SLC17A5: variants seen among roughly 807,000 people sequenced by gnomAD.
The protein encoded by SLC17A5 is solute carrier family 17 member 5.
A neutral mutation model predicts 59.4 loss-of-function variants in SLC17A5; 47 were observed. The observed-to-expected ratio is 0.79, with a 90% CI of 0.63 to 1.01. The LOEUF is 1.01. SLC17A5 is among the 50% of genes least tolerant of loss of function. The probability of loss-of-function intolerance (pLI) is 0.00; values close to 1 mark genes in which losing one functional copy is unlikely to be tolerated. For synonymous variants in SLC17A5, 202 were observed against 210.7 expected, an observed-to-expected ratio of 0.96 and a Z score of 0.36; for missense variants, 522 against 595.5, an observed-to-expected ratio of 0.88 and a Z score of 1.28.
intron 1 of SLC17A5, among the ~76,000 whole-genome samples, chr6:73,645,076 T>C (rs1057039420): frequency 6.6e-6 from 1 of 152,182 alleles, no homozygotes; most frequent in African/African-American, 2.4e-5. Context: ...CTGGCAAAGA[T>C]ATACGGCATG....
intron 10 of SLC17A5, among the ~76,000 whole-genome samples, chr6:73,599,442 A>C (rs1177549335): frequency 1.3e-5 from 2 of 152,174 alleles, no homozygotes; most frequent in African/African-American, 4.8e-5. Flanking sequence ...CGCAGTTCCC[A>C]CTTGTAAACA....
intron 6 of SLC17A5, among the ~76,000 whole-genome samples, chr6:73,629,607 C>G (rs1444523374): frequency 6.6e-6 from 1 of 151,686 alleles, no homozygotes; most frequent in Non-Finnish European, 1.5e-5. Flanking sequence ...ACCCTGTCTC[C>G]ACTAAAAATA....
In SLC17A5 at chr6:73,624,573, ATAACT is replaced by A. The variant is rs369279885; in HGVS notation, c.820-2616_820-2612del. 7.8e-3 allele frequency among the ~76,000 whole-genome samples: 1,189 copies of A among 152,160 alleles called. 19 individuals carry two copies. Among genetic ancestry groups the A allele is most frequent in the African/African-American group, 0.027 (1,130 of 41,516 alleles). The stretch of plus-strand genomic sequence containing the variant: ...TACATAAGTATCATAGTACATATAG[ATAACT>A]TAAGAATAAATATACGGCCAGGCGT... On this transcript the variant is annotated intron_variant, in intron 6 of 10. Coordinates refer to ENST00000355773, the MANE Select transcript of SLC17A5 (RefSeq NM_012434.5).
intron 4 of SLC17A5, among the ~76,000 whole-genome samples, chr6:73,638,090 C>T (rs1225113799): frequency 6.8e-6 from 1 of 146,086 alleles, no homozygotes. Context: ...TCTAAACAAA[C>T]AAAAATAAAA....
chr6:73,605,574 A>T (rs966844875), intron 9 of SLC17A5, among the ~76,000 whole-genome samples: 2 of 151,976 alleles, frequency 1.3e-5, no homozygotes, highest in African/African-American at 4.8e-5. Context: ...AGCTCATCTG[A>T]AGAGCTGAAT....
At chr6:73,621,434 C>T (rs188413048) in intron 7 of SLC17A5, among the ~76,000 whole-genome samples, 25 of 152,356 alleles carry the variant, frequency 1.6e-4, no homozygotes, top group African/African-American at 5.8e-4. Context: ...CCACTACACC[C>T]GGCCTGATGT....
intron 2 of SLC17A5, among the ~76,000 whole-genome samples, chr6:73,643,404 T>C (rs751047378): frequency 4.6e-5 from 7 of 152,012 alleles, no homozygotes; most frequent in Non-Finnish European, 1.0e-4. Context: ...TCGTGATCCA[T>C]GTGCCTCGGC....
chr6:73,647,497 A>G (rs1769637425), intron 1 of SLC17A5, among the ~76,000 whole-genome samples: 1 of 150,636 alleles, frequency 6.6e-6, no homozygotes, highest in African/African-American at 2.4e-5. Context: ...ACTCTAAAAA[A>G]CTCTATTTTA....
chr6:73,613,882 G>T (rs1424632376), intron 8 of SLC17A5, among the ~76,000 whole-genome samples: 1 of 152,144 alleles, frequency 6.6e-6, no homozygotes, highest in Non-Finnish European at 1.5e-5. Flanking sequence ...ACTTTGGGAG[G>T]CTGAAGCAGC....
intron 9 of SLC17A5, 62 bp from the exon 10 acceptor site, chr6:73,600,503 T>C: frequency 8.1e-7 from 1 of 1,235,158 alleles, no homozygotes. Flanking sequence ...CTTCATTCTT[T>C]CCTTCTTTTT....
At chr6:73,633,622 T>C (rs896337202) in intron 6 of SLC17A5, among the ~76,000 whole-genome samples, 3 of 151,480 alleles carry the variant, frequency 2.0e-5, no homozygotes, top group African/African-American at 7.3e-5. Flanking sequence ...TTCATGCCTG[T>C]AATCCCAGCA....
chr6:73,650,264 C>T lies in SLC17A5; in HGVS notation c.94+3529G>A, dbSNP rs561286379. On this transcript the variant is annotated intron_variant, in intron 1 of 10. Coordinates refer to ENST00000355773, the MANE Select transcript of SLC17A5 (RefSeq NM_012434.5). ...GTGGCTCACGCCTGTAATCCCAGCA[C>T]TCTGGGAGGCCGAGGCAGGTGGATC... 1.4e-4 allele frequency among the ~76,000 whole-genome samples: 21 copies of T among 150,694 alleles called. No homozygotes were observed. In the South Asian group the frequency reaches 4.2e-3, roughly 30 times the overall value.
At chr6:73,607,559 C>T (rs1043535248) in intron 9 of SLC17A5, among the ~76,000 whole-genome samples, 1 of 152,114 alleles carries the variant, frequency 6.6e-6, no homozygotes, top group Non-Finnish European at 1.5e-5. Context: ...AGCCATTACA[C>T]CCGGCCGACC....
chr6:73,612,794 G>C (rs989435712), intron 8 of SLC17A5, among the ~76,000 whole-genome samples: 1 of 152,154 alleles, frequency 6.6e-6, no homozygotes, highest in Non-Finnish European at 1.5e-5. Flanking sequence ...GCTCACGCCT[G>C]TAATTCCAGC....
At chr6:73,630,875 C>T (rs1284845991) in intron 6 of SLC17A5, among the ~76,000 whole-genome samples, 1 of 151,690 alleles carries the variant, frequency 6.6e-6, no homozygotes, top group Non-Finnish European at 1.5e-5. Context: ...GGAGAAACCC[C>T]GTTTCTACTA....
At chr6:73,607,282 AT>A (rs71000137) in intron 9 of SLC17A5, among the ~76,000 whole-genome samples, 16,092 of 143,892 alleles carry the variant, frequency 0.11, 966 homozygotes, top group Middle Eastern at 0.19. Context: ...CAATAGCACT[AT>A]TTTTTTTTTT....
At chr6:73,645,442 C>G in intron 1 of SLC17A5, 1 of 985,114 alleles carries the variant, frequency 1.0e-6, no homozygotes, top group Non-Finnish European at 1.2e-6. Flanking sequence ...AGTTATCAAG[C>G]GTAAAGGGCT....
At chr6:73,615,481 G>A (rs552408965) in intron 7 of SLC17A5, 34 bp from the exon 8 acceptor site, 23 of 1,610,628 alleles carry the variant, frequency 1.4e-5, no homozygotes, top group East Asian at 6.7e-5. Context: ...GATTAATTAC[G>A]GTGAGAGAAA....
chr6:73,596,576 G>A (rs1056732004), intron 10 of SLC17A5, among the ~76,000 whole-genome samples: 1 of 152,216 alleles, frequency 6.6e-6, no homozygotes, highest in African/African-American at 2.4e-5. Context: ...GAAACACACG[G>A]CCGGGCGTGG....
Sources: allele counts gnomAD v4.1 joint callset (sites outside exome capture counted in the v4.1 genomes callset), GRCh38; gene constraint gnomAD v4.1.1; transcripts MANE v1.5; gene names NCBI Gene and HGNC (gene_info 2026-07-23, HGNC 2026-07-21).